SCGB2B2: variants seen among roughly 807,000 people sequenced by gnomAD.
The protein encoded by SCGB2B2 is secretoglobin family 2B member 2, also known as secretoglobin-like protein.
Under a neutral mutation model 7.6 loss-of-function variants are expected in SCGB2B2, and 11 were observed. That is an observed-to-expected ratio of 1.45 (90% CI 0.91 to 2.40). The LOEUF is 2.40. Among genes scored for constraint, SCGB2B2 ranks in the 30% most tolerant of loss-of-function variants. The pLI is 0.00. For synonymous variants in SCGB2B2, 50 were observed against 48.6 expected (o/e 1.03, Z -0.12); for missense variants, 104 against 115.4 (o/e 0.90, Z 0.45).
chr19:34,668,400 G>C (rs1030904549), intron 1 of SCGB2B2, among the ~76,000 whole-genome samples: 1 of 152,190 alleles, frequency 6.6e-6, no homozygotes, highest in Non-Finnish European at 1.5e-5. Context: ...GGCAGGGCTC[G>C]GTACCTGCAG....
At chr19:34,623,593 C>T (rs2066294044) in intron 1 of SCGB2B2, among the ~76,000 whole-genome samples, 2 of 152,160 alleles carry the variant, frequency 1.3e-5, no homozygotes, top group South Asian at 4.1e-4. Context: ...TAGCTCTCTA[C>T]CTATCTCTGG....
chr19:34,589,966 C>T (rs1376285646), downstream of SCGB2B2, among the ~76,000 whole-genome samples: 1 of 152,146 alleles, frequency 6.6e-6, no homozygotes, highest in South Asian at 2.1e-4. Context: ...AGGCAGCTGC[C>T]ATAATCCAGG....
intron 1 of SCGB2B2, among the ~76,000 whole-genome samples, chr19:34,622,238 C>A (rs1373704685): frequency 6.6e-6 from 1 of 152,166 alleles, no homozygotes; most frequent in Admixed American, 6.5e-5. Context: ...CAGGGCCATT[C>A]TCTTCCTTTT....
rs1194186325 is a variant in SCGB2B2 at position 34,591,567 on chromosome 19, C to A, written c.*1988G>T. Among the ~76,000 whole-genome samples, 1 of 152,236 alleles carries A rather than the reference C, an allele frequency of 6.6e-6. No individual in the cohort carries two copies. The highest frequency in any genetic ancestry group is 1.5e-5 in the Non-Finnish European group (1 of 68,042). On this transcript the variant is annotated 3_prime_UTR_variant, in exon 4 of 4. Coordinates refer to ENST00000601241, the MANE Select transcript of SCGB2B2 (RefSeq NM_001025591.4). Reference sequence around the variant, plus strand: ...CATCCCCTCCCAGGATTTTTCACTGCACATGGAAAGGATCCACCTTTCTGC... The same window carrying A: ...CATCCCCTCCCAGGATTTTTCACTGAACATGGAAAGGATCCACCTTTCTGC...
chr19:34,594,840 C>G lies in SCGB2B2; in HGVS notation c.-277G>C. 4 of 482,216 alleles carry G rather than the reference C, an allele frequency of 8.3e-6. No individual in the cohort carries two copies. The highest frequency in any genetic ancestry group is 6.8e-5 in the South Asian group (3 of 44,112). The allele number at this position is 482,216 out of a possible 1,614,324, so 29.9% of individuals were successfully genotyped here. On this transcript the variant is annotated 5_prime_UTR_variant, in exon 2 of 4. Coordinates refer to ENST00000601241, the MANE Select transcript of SCGB2B2 (RefSeq NM_001025591.4). ...GACATTCTCTCTGTCCTCCCTGGAG[C>G]TCCCTGGGATTGGGAGCAGGCTGAA...
intron 1 of SCGB2B2, among the ~76,000 whole-genome samples, chr19:34,604,013 C>T (rs758107300): frequency 6.6e-6 from 1 of 151,884 alleles, no homozygotes; most frequent in Non-Finnish European, 1.5e-5. Context: ...TGTGTCTTTC[C>T]CATTTTTCTT....
At position 34,593,540 on chromosome 19, in the gene SCGB2B2, G is replaced by T; in HGVS notation, c.*15C>A. The T allele has an allele frequency of 3.9e-6, 6 of 1,547,458 alleles. No individual in the cohort carries two copies. Among genetic ancestry groups the T allele is most frequent in the Non-Finnish European group, 5.2e-6 (6 of 1,143,618 alleles). On this transcript the variant is annotated 3_prime_UTR_variant, in exon 4 of 4. Coordinates refer to ENST00000601241, the MANE Select transcript of SCGB2B2 (RefSeq NM_001025591.4). ...AGGCAGGAGGGCCAATATCTGATCT[G>T]CAGGGGTCCTCAGATCAGAAGGCTG...
rs1375956269 is a variant in SCGB2B2 at position 34,593,520 on chromosome 19, G to A, written c.*35C>T. ...AACGCGGGGAGCCCCAAGGAAGGCA[G>A]GAGGGCCAATATCTGATCTGCAGGG... is the stretch of plus-strand genomic sequence containing the variant. On this transcript the variant is annotated 3_prime_UTR_variant, in exon 4 of 4. Transcript: ENST00000601241. 1.7e-5 allele frequency: 26 copies of A among 1,524,750 alleles called. No individual in the cohort carries two copies. Among genetic ancestry groups the A allele is most frequent in the Non-Finnish European group, 2.3e-5 (26 of 1,124,020 alleles). 94.5% of individuals were successfully genotyped at this position (1,524,750 alleles called of 1,614,324 possible).
chr19:34,586,275 T>C (rs1041373360), downstream of SCGB2B2, among the ~76,000 whole-genome samples: 1 of 152,264 alleles, frequency 6.6e-6, no homozygotes, highest in Non-Finnish European at 1.5e-5. Context: ...TTTAATAAAG[T>C]ATAATTGACA....
chr19:34,645,739 C>A, intron 1 of SCGB2B2: 1 of 387,444 alleles, frequency 2.6e-6, no homozygotes, highest in Non-Finnish European at 5.2e-6. Flanking sequence ...AAGAAGCGGG[C>A]AGGGCTGAGA....
chr19:34,621,090 G>C (rs2066229086), intron 1 of SCGB2B2, among the ~76,000 whole-genome samples: 1 of 152,064 alleles, frequency 6.6e-6, no homozygotes, highest in Admixed American at 6.6e-5. Context: ...GAAGTAAAAG[G>C]CATTACAGCT....
At chr19:34,644,362 GT>G (rs75799133) in intron 1 of SCGB2B2, among the ~76,000 whole-genome samples, 75 of 134,322 alleles carry the variant, frequency 5.6e-4, no homozygotes, top group Admixed American at 4.2e-3. Context: ...TTTTTTTTTT[GT>G]TTTTTTTTTT....
chr19:34,662,108 T>C (rs542830980), intron 1 of SCGB2B2, among the ~76,000 whole-genome samples: 6 of 152,198 alleles, frequency 3.9e-5, no homozygotes, highest in African/African-American at 1.4e-4. Flanking sequence ...TCTTAATCTC[T>C]TGATCTCGTA....
chr19:34,669,355 C>A (rs976424292), intron 1 of SCGB2B2, among the ~76,000 whole-genome samples: 3 of 152,184 alleles, frequency 2.0e-5, no homozygotes, highest in Admixed American at 1.3e-4. Context: ...CTAATTTTCA[C>A]GAAAGCTGCA....
chr19:34,612,259 G>C (rs533881514), intron 1 of SCGB2B2, among the ~76,000 whole-genome samples: 4 of 151,052 alleles, frequency 2.6e-5, no homozygotes, highest in Admixed American at 1.3e-4. Flanking sequence ...GGATGGTCTT[G>C]ATCTCCTGAC....
intron 1 of SCGB2B2, among the ~76,000 whole-genome samples, chr19:34,647,144 C>A (rs976294360): frequency 3.3e-5 from 5 of 152,184 alleles, no homozygotes; most frequent in Non-Finnish European, 7.3e-5. Context: ...GCTGTTGGGA[C>A]CAGGCAATCT....
At chr19:34,641,453 T>C (rs1267418055) in intron 1 of SCGB2B2, among the ~76,000 whole-genome samples, 2 of 152,174 alleles carry the variant, frequency 1.3e-5, no homozygotes, top group African/African-American at 4.8e-5. Flanking sequence ...TATGTCAAAA[T>C]CCAATGGCTG....
At chr19:34,619,114 T>A (rs1254445784) in intron 1 of SCGB2B2, among the ~76,000 whole-genome samples, 2 of 152,232 alleles carry the variant, frequency 1.3e-5, no homozygotes, top group South Asian at 4.1e-4. Context: ...CCATTAAAGT[T>A]TCTATTTTTT....
rs905427906 is a variant in SCGB2B2, at chr19:34,594,915, G to A, written c.-352C>T. On this transcript the variant is annotated 5_prime_UTR_variant, in exon 2 of 4. Coordinates refer to ENST00000601241, the MANE Select transcript of SCGB2B2 (RefSeq NM_001025591.4). Reference sequence around the variant, plus strand: ...AGTGTGCATGCACATGTGACCCTGTGTCTTGGCAAACGTGTGTCTGCACTT... The same window carrying A: ...AGTGTGCATGCACATGTGACCCTGTATCTTGGCAAACGTGTGTCTGCACTT... The A allele has an allele frequency of 6.2e-6, 2 of 321,060 alleles. No homozygotes were observed. Among genetic ancestry groups the A allele is most frequent in the Admixed American group, 8.7e-5 (2 of 23,046 alleles). 19.9% of individuals were successfully genotyped at this position (321,060 alleles called of 1,614,324 possible). A position where few individuals can be genotyped will look rare whatever the true frequency, so the allele number is the denominator to read the frequency against.
Sources: allele counts gnomAD v4.1 joint callset (sites outside exome capture counted in the v4.1 genomes callset), GRCh38; gene constraint gnomAD v4.1.1; transcripts MANE v1.5; gene names NCBI Gene and HGNC (gene_info 2026-07-23, HGNC 2026-07-21).